Variants in HIPK1 observed in about 807,000 individuals in gnomAD.
The protein encoded by HIPK1 is homeodomain-interacting protein kinase 1.
In HIPK1, 28 loss-of-function variants were observed where a neutral mutation model predicts 117.1. The observed-to-expected ratio is 0.24, with a 90% CI of 0.18 to 0.33. The LOEUF is 0.33. HIPK1 is among the 10% of genes least tolerant of loss of function. The pLI is 1.00. For missense variants in HIPK1, 1,122 were observed against 1,475.1 expected (o/e 0.76, Z 3.92); for synonymous variants, 605 against 562.5 (o/e 1.08, Z -1.07).
In HIPK1 at chr1:113,973,230, G is replaced by A. The variant is rs780070276; in HGVS notation, c.3351G>A (p.Pro1117=). The A allele has an allele frequency of 1.1e-5, 17 of 1,613,912 alleles. No homozygotes were observed. The highest frequency in any genetic ancestry group is 1.6e-4 in the Middle Eastern group (1 of 6,062). The part of the protein sequence containing the change: ...SQAHLYTYAA[P]TSAAALGSTS... Reference sequence around the variant, plus strand: ...CTCATCTGTATACGTATGCTGCCCCGACTTCTGCTGCTGCACTGGGCTCAA... The same window carrying A: ...CTCATCTGTATACGTATGCTGCCCCAACTTCTGCTGCTGCACTGGGCTCAA... The change falls in exon 16 of 16, where the codon CCG becomes CCA. Residue 1117 remains proline (P), a synonymous_variant. Transcript: ENST00000426820.
At chr1:113,930,306 G>GT (rs1669782523) in intron 1 of HIPK1, among the ~76,000 whole-genome samples, 1 of 152,246 alleles carries the variant, frequency 6.6e-6, no homozygotes, top group Non-Finnish European at 1.5e-5. Flanking sequence ...TGGCTTGTGC[G>GT]TGTGTACTTC....
At chr1:113,949,646 T>G (rs1671220445) in intron 2 of HIPK1, among the ~76,000 whole-genome samples, 1 of 150,338 alleles carries the variant, frequency 6.7e-6, no homozygotes, top group Admixed American at 6.6e-5. Flanking sequence ...TCACCCAGGC[T>G]GGAGTGCAGT....
chr1:113,933,747 G>A (rs1296145524), intron 1 of HIPK1, among the ~76,000 whole-genome samples: 2 of 152,070 alleles, frequency 1.3e-5, no homozygotes, highest in Non-Finnish European at 2.9e-5. Context: ...TGTACTGGTA[G>A]TCCCAGTTAC....
chr1:113,938,963 C>CACACACACA (rs1558126053), intron 1 of HIPK1, among the ~76,000 whole-genome samples: 1 of 136,972 alleles, frequency 7.3e-6, no homozygotes, highest in Non-Finnish European at 1.6e-5. Context: ...CACACACACA[C>CACACACACA]TTAGGAGATG....
rs1673207009 is a variant in HIPK1, at chr1:113,977,615, GA to G, written c.*4106del. 1 of 152,566 alleles carries G rather than the reference GA, an allele frequency of 6.6e-6. No individual in the cohort carries two copies. Among genetic ancestry groups the G allele is most frequent in the Admixed American group, 6.5e-5 (1 of 15,282 alleles). 9.5% of individuals were successfully genotyped at this position (152,566 alleles called of 1,614,324 possible). A position where few individuals can be genotyped will look rare whatever the true frequency, so the allele number is the denominator to read the frequency against. On this transcript the variant is annotated 3_prime_UTR_variant, in exon 16 of 16. Transcript: ENST00000426820. ...ATGTAAAATAATCATTTTAACAAAA[GA>G]AATAGATATTTAAAATTTAATACTA...
chr1:113,953,642 T>C (rs986423574), intron 3 of HIPK1, among the ~76,000 whole-genome samples: 5 of 151,844 alleles, frequency 3.3e-5, no homozygotes, highest in African/African-American at 7.3e-5. Context: ...CTCAGCCTCC[T>C]GAGTAGCTGG....
rs1175350354 is a variant in HIPK1 at position 113,940,701 on chromosome 1, G to A, written c.318G>A (p.Leu106=). 6.2e-7 allele frequency: 1 copy of A among 1,614,158 alleles called. No individual in the cohort carries two copies. The highest frequency in any genetic ancestry group is 1.1e-5 in the South Asian group (1 of 91,070). ...ATSTFQSSQT[L]THRSNVSLLE... ...CAACCTTCCAAAGCAGCCAGACCCT[G>A]ACTCACAGAAGCAACGTTTCTTTGC... is the stretch of plus-strand genomic sequence containing the variant. The change falls in exon 2 of 16, where the codon CTG becomes CTA. Residue 106 remains leucine (L), a synonymous_variant. Transcript: ENST00000426820.
At chr1:113,965,077 G>A (rs956683357) in intron 10 of HIPK1, among the ~76,000 whole-genome samples, 3 of 152,144 alleles carry the variant, frequency 2.0e-5, no homozygotes, top group Non-Finnish European at 4.4e-5. Context: ...GGTAGCAGAC[G>A]TGTTTGCAGT....
rs753591250 is a variant in HIPK1 at position 113,966,147 on chromosome 1, G to A, written c.2256G>A (p.Gly752=). 1.2e-6 allele frequency: 2 copies of A among 1,613,970 alleles called. No homozygotes were observed. The highest frequency in any genetic ancestry group is 1.1e-5 in the South Asian group (1 of 91,012). Residue 752 remains glycine, a synonymous_variant, in exon 11 of 16, where the codon GGG becomes GGA. Transcript: ENST00000426820. ...CCTTACAGCAGGCGTGGCCTGGAGG[G>A]ACTCAGCAAATTCTCCTGCCTTCAA... The part of the protein sequence containing the change: ...TAAVLQAWPG[G]TQQILLPSTW...
At chr1:113,965,738 T>C (rs1488951816) in intron 10 of HIPK1, among the ~76,000 whole-genome samples, 1 of 152,226 alleles carries the variant, frequency 6.6e-6, no homozygotes, top group Non-Finnish European at 1.5e-5. Context: ...TAAAAAATTT[T>C]AATCTCCAGG....
chr1:113,945,256 T>A (rs1000481508), intron 2 of HIPK1, among the ~76,000 whole-genome samples: 2 of 152,196 alleles, frequency 1.3e-5, no homozygotes, highest in African/African-American at 2.4e-5. Flanking sequence ...AGTTGTATAC[T>A]CTATATACTT....
intron 9 of HIPK1, among the ~76,000 whole-genome samples, chr1:113,962,650 A>G (rs186216859): frequency 6.6e-6 from 1 of 152,354 alleles, no homozygotes; most frequent in Admixed American, 6.5e-5. Flanking sequence ...CAGGGAAAAA[A>G]TATCCAGACA....
At chr1:113,962,054 A>C (rs183569160) in intron 8 of HIPK1, among the ~76,000 whole-genome samples, 1 of 152,056 alleles carries the variant, frequency 6.6e-6, no homozygotes, top group East Asian at 1.9e-4. Context: ...TTGTGTTTTA[A>C]ATTTTGTAGC....
chr1:113,962,033 T>A (rs921942584), intron 8 of HIPK1, among the ~76,000 whole-genome samples: 1 of 151,770 alleles, frequency 6.6e-6, no homozygotes, highest in Non-Finnish European at 1.5e-5. Flanking sequence ...TTAATGGAGA[T>A]GGGATGAATA....
intron 3 of HIPK1, 110 bp downstream of exon 3, chr1:113,952,999 G>A: frequency 1.9e-6 from 2 of 1,041,480 alleles, no homozygotes; most frequent in Non-Finnish European, 2.6e-6. Flanking sequence ...AATAGGGAAA[G>A]AGTAGTCCAA....
intron 1 of HIPK1, chr1:113,933,034 A>T: frequency 4.7e-6 from 1 of 213,772 alleles, no homozygotes; most frequent in Non-Finnish European, 8.0e-6. Flanking sequence ...TAGTTTTCTT[A>T]ATTCTAAGCT....
At chr1:113,949,129 C>A (rs935020728) in intron 2 of HIPK1, among the ~76,000 whole-genome samples, 1 of 152,190 alleles carries the variant, frequency 6.6e-6, no homozygotes, top group Admixed American at 6.5e-5. Flanking sequence ...TGAGCCACCG[C>A]GCCTGGCCTG....
chr1:113,948,918 A>G (rs891351436), intron 2 of HIPK1, among the ~76,000 whole-genome samples: 4 of 151,922 alleles, frequency 2.6e-5, no homozygotes, highest in African/African-American at 7.3e-5. Flanking sequence ...GCTCACTGCA[A>G]CCTCTGCCCC....
intron 3 of HIPK1, 22 bp from the exon 4 acceptor site, chr1:113,954,629 T>C: frequency 6.2e-7 from 1 of 1,613,038 alleles, no homozygotes; most frequent in Non-Finnish European, 8.5e-7. Context: ...CAAATAGTTG[T>C]TTGATGGTTT....
Sources: gnomAD v4.1 joint callset for allele counts (sites outside exome capture counted in the v4.1 genomes callset) on GRCh38, gnomAD v4.1.1 for gene constraint, MANE v1.5 for transcripts, NCBI Gene and HGNC (gene_info 2026-07-23, HGNC 2026-07-21) for gene names.